The following MAML3 variants were observed in gnomAD, a reference collection of about 807,000 sequenced individuals.
MAML3 encodes the protein mastermind-like protein 3.
In MAML3, 27 loss-of-function variants were observed where a neutral mutation model predicts 101.9. The observed-to-expected ratio is 0.27, with a 90% CI of 0.20 to 0.37. MAML3 has a LOEUF of 0.37. MAML3 is among the 10% of genes least tolerant of loss of function. The pLI, the probability that MAML3 is intolerant of heterozygous loss-of-function variation, is 1.00. For missense variants in MAML3, 1,316 were observed against 1,444.9 expected, an observed-to-expected ratio of 0.91 and a Z score of 1.45; for synonymous variants, 501 against 555.9, an observed-to-expected ratio of 0.90 and a Z score of 1.39.
At chr4:139,997,398 C>T (rs939431944) in intron 1 of MAML3, among the ~76,000 whole-genome samples, 1 of 152,002 alleles carries the variant, frequency 6.6e-6, no homozygotes, top group African/African-American at 2.4e-5. Flanking sequence ...CAGATTAACA[C>T]GAACTTAATT....
intron 1 of MAML3, among the ~76,000 whole-genome samples, chr4:140,084,273 C>A (rs1161132407): frequency 3.3e-5 from 5 of 152,186 alleles, no homozygotes; most frequent in African/African-American, 1.2e-4. Flanking sequence ...GTGGCAGACA[C>A]AACTTTACAG....
At chr4:140,144,105 T>C (rs934403890) in intron 1 of MAML3, among the ~76,000 whole-genome samples, 11 of 152,180 alleles carry the variant, frequency 7.2e-5, no homozygotes, top group African/African-American at 2.7e-4. Flanking sequence ...TAATCTCTTG[T>C]AGGATATTAG....
intron 2 of MAML3, among the ~76,000 whole-genome samples, chr4:139,878,214 C>T (rs371274778): frequency 1.4e-3 from 217 of 152,310 alleles, no homozygotes; most frequent in African/African-American, 4.7e-3. Flanking sequence ...CCCTCTATCC[C>T]GCCAACTCCT....
intron 2 of MAML3, among the ~76,000 whole-genome samples, chr4:139,781,508 CATATAT>C (rs10568513): frequency 8.0e-5 from 11 of 137,080 alleles, no homozygotes; most frequent in South Asian, 2.4e-4. Context: ...AGAGCATTTT[CATATAT>C]ATATATATAT....
intron 1 of MAML3, among the ~76,000 whole-genome samples, chr4:140,104,395 TTATATAA>T (rs1728309949): frequency 3.5e-4 from 11 of 31,080 alleles, no homozygotes; most frequent in Non-Finnish European, 7.2e-4. Context: ...ATATTATATA[TTATATAA>T]TATATAATAT....
In MAML3 at chr4:140,153,453, A is replaced by G; in HGVS notation, c.-126T>C. 3 of 1,155,366 alleles carry G rather than the reference A, an allele frequency of 2.6e-6. No homozygotes were observed. The highest frequency in any genetic ancestry group is 3.4e-6 in the Non-Finnish European group (3 of 888,696). 71.6% of individuals were successfully genotyped at this position (1,155,366 alleles called of 1,614,324 possible). On this transcript the variant is annotated 5_prime_UTR_variant, in exon 1 of 5. Transcript: ENST00000509479. ...GGGGGAGACGCAAGCACATGGATGG[A>G]AACGGCGATCCCGACGGGGCGAAAA... is the stretch of plus-strand genomic sequence containing the variant.
At chr4:140,128,114 C>A (rs1728712915) in intron 1 of MAML3, 1 of 152,440 alleles carries the variant, frequency 6.6e-6, no homozygotes, top group Admixed American at 6.5e-5. Context: ...TGTGCCCTGG[C>A]TCTCTTTTGC....
At chr4:139,746,049 C>A (rs923961799) in intron 2 of MAML3, among the ~76,000 whole-genome samples, 4 of 152,094 alleles carry the variant, frequency 2.6e-5, no homozygotes, top group Non-Finnish European at 5.9e-5. Context: ...TATGGTGGCC[C>A]AATTAAAGAC....
At chr4:140,085,132 G>A (rs1727930964) in intron 1 of MAML3, among the ~76,000 whole-genome samples, 1 of 152,090 alleles carries the variant, frequency 6.6e-6, no homozygotes, top group Admixed American at 6.6e-5. Flanking sequence ...CAAAATCAAG[G>A]GTTTGTTTAC....
At chr4:139,901,054 C>G (rs141398927) in intron 1 of MAML3, among the ~76,000 whole-genome samples, 46 of 152,314 alleles carry the variant, frequency 3.0e-4, no homozygotes, top group African/African-American at 1.0e-3. Flanking sequence ...CCCAATCAAA[C>G]TGCAGCAAAC....
chr4:139,944,316 C>T (rs1032362207), intron 1 of MAML3, among the ~76,000 whole-genome samples: 2 of 152,158 alleles, frequency 1.3e-5, no homozygotes, highest in Admixed American at 1.3e-4. Context: ...TCTCCCAATG[C>T]TATCCCTCCC....
intron 2 of MAML3, among the ~76,000 whole-genome samples, chr4:139,855,664 A>T (rs1731645963): frequency 6.6e-6 from 1 of 152,228 alleles, no homozygotes; most frequent in Non-Finnish European, 1.5e-5. Context: ...TTACCTTATG[A>T]AGTGCTTTTA....
At chr4:140,041,392 G>A (rs531569129) in intron 1 of MAML3, among the ~76,000 whole-genome samples, 14 of 152,288 alleles carry the variant, frequency 9.2e-5, no homozygotes, top group Admixed American at 2.6e-4. Flanking sequence ...GAGAGGCAGC[G>A]GTGGGTGGAT....
At chr4:140,069,974 G>A (rs1432786946) in intron 1 of MAML3, among the ~76,000 whole-genome samples, 1 of 152,058 alleles carries the variant, frequency 6.6e-6, no homozygotes, top group Non-Finnish European at 1.5e-5. Context: ...AAATTAGCTA[G>A]GTGTGGTGGT....
intron 1 of MAML3, among the ~76,000 whole-genome samples, chr4:140,100,642 G>A (rs1398556037): frequency 6.6e-6 from 1 of 150,952 alleles, no homozygotes; most frequent in Non-Finnish European, 1.5e-5. Context: ...AGTCTTAGGT[G>A]TATTAAAAAA....
At chr4:139,819,854 G>C (rs570942980) in intron 2 of MAML3, among the ~76,000 whole-genome samples, 1 of 152,198 alleles carries the variant, frequency 6.6e-6, no homozygotes, top group African/African-American at 2.4e-5. Flanking sequence ...GGACATACAT[G>C]GTTCTCATTT....
At chr4:140,131,626 C>T (rs530429773) in intron 1 of MAML3, among the ~76,000 whole-genome samples, 2 of 151,918 alleles carry the variant, frequency 1.3e-5, no homozygotes, top group East Asian at 3.9e-4. Flanking sequence ...TCCAATGTCA[C>T]CTACCATTCC....
chr4:139,762,262 G>A (rs1425393337), intron 2 of MAML3, among the ~76,000 whole-genome samples: 1 of 152,176 alleles, frequency 6.6e-6, no homozygotes, highest in Non-Finnish European at 1.5e-5. Context: ...GACACAATAG[G>A]TGACTAAAAA....
intron 2 of MAML3, among the ~76,000 whole-genome samples, chr4:139,882,415 T>G (rs1484316460): frequency 6.7e-6 from 1 of 149,944 alleles, no homozygotes; most frequent in Non-Finnish European, 1.5e-5. Flanking sequence ...TAAAGAATAT[T>G]AGAAAAGTTA....
Sources: allele counts gnomAD v4.1 joint callset (sites outside exome capture counted in the v4.1 genomes callset), GRCh38; gene constraint gnomAD v4.1.1; transcripts MANE v1.5; gene names NCBI Gene and HGNC (gene_info 2026-07-23, HGNC 2026-07-21).